Variants in SMYD3 observed in about 807,000 individuals in gnomAD.
SMYD3 encodes SET and MYND domain containing 3, also known as histone-lysine N-methyltransferase SMYD3.
A neutral mutation model predicts 57.7 loss-of-function variants in SMYD3; 36 were observed. That is an observed-to-expected ratio of 0.62 (90% confidence interval 0.48 to 0.82). The LOEUF is 0.82. Among genes scored for constraint, SMYD3 ranks in the 40% least tolerant of loss-of-function variants. SMYD3 has a pLI of 0.00. For missense variants in SMYD3, 515 were observed against 538.8 expected, an observed-to-expected ratio of 0.96 and a Z score of 0.44; for synonymous variants, 211 against 195.0, an observed-to-expected ratio of 1.08 and a Z score of -0.68.
chr1:246,424,957 A>G (rs2067197399), intron 1 of SMYD3, among the ~76,000 whole-genome samples: 2 of 152,260 alleles, frequency 1.3e-5, no homozygotes, highest in South Asian at 4.1e-4. Context: ...TTACATAGCG[A>G]TAATAGTAAT....
chr1:246,234,296 C>G (rs911260724), intron 5 of SMYD3, among the ~76,000 whole-genome samples: 2 of 149,060 alleles, frequency 1.3e-5, no homozygotes, highest in African/African-American at 5.0e-5. Context: ...TGAACATACA[C>G]CAGAGGAGAA....
intron 10 of SMYD3, among the ~76,000 whole-genome samples, chr1:245,816,699 C>T (rs957409824): frequency 1.6e-4 from 25 of 152,078 alleles, no homozygotes; most frequent in Admixed American, 2.0e-4. Context: ...GCGCACCGTG[C>T]GCGAGCCGAA....
At chr1:246,126,607 A>T (rs2061513500) in intron 5 of SMYD3, among the ~76,000 whole-genome samples, 1 of 152,244 alleles carries the variant, frequency 6.6e-6, no homozygotes, top group African/African-American at 2.4e-5. Context: ...ATAACCAGGC[A>T]TCAATCTACA....
intron 5 of SMYD3, among the ~76,000 whole-genome samples, chr1:245,993,933 C>T (rs1305567311): frequency 6.6e-6 from 1 of 152,114 alleles, no homozygotes; most frequent in African/African-American, 2.4e-5. Context: ...AAAAAGAAGA[C>T]ATTAAACTAC....
At chr1:246,506,076 C>G (rs1286267591) in intron 1 of SMYD3, among the ~76,000 whole-genome samples, 2 of 152,182 alleles carry the variant, frequency 1.3e-5, no homozygotes, top group Admixed American at 6.5e-5. Context: ...ATTACAGATA[C>G]GAGTTTTGCA....
chr1:245,877,234 T>G (rs1202790581), intron 8 of SMYD3, among the ~76,000 whole-genome samples: 1 of 152,168 alleles, frequency 6.6e-6, no homozygotes, highest in African/African-American at 2.4e-5. Context: ...GAGGCTCTTT[T>G]CCCCACTAAG....
At chr1:246,045,851 G>C (rs866606761) in intron 5 of SMYD3, among the ~76,000 whole-genome samples, 2 of 152,200 alleles carry the variant, frequency 1.3e-5, no homozygotes, top group African/African-American at 4.8e-5. Flanking sequence ...AGACATTTAT[G>C]CAGCCAACAG....
rs115686332 is a variant in SMYD3 at position 245,815,690 on chromosome 1, C to A, written c.1076+42806G>T. On this transcript the variant is annotated intron_variant, in intron 10 of 11. Coordinates refer to ENST00000490107, the MANE Select transcript of SMYD3 (RefSeq NM_001167740.2). The stretch of plus-strand genomic sequence containing the variant: ...TTAAAACATCATTCTTAGATAAGAA[C>A]AGAGACAAAGGATATGTCTTTAACA... Among the ~76,000 whole-genome samples the A allele has an allele frequency of 3.9e-3, 597 of 152,342 alleles. 4 individuals are homozygous for A. The highest frequency in any genetic ancestry group is 0.014 in the African/African-American group (565 of 41,578).
chr1:245,784,952 G>A lies in SMYD3; in HGVS notation c.1077-20803C>T, dbSNP rs939099871. On this transcript the variant is annotated intron_variant, in intron 10 of 11. Transcript: ENST00000490107. Reference sequence around the variant, plus strand: ...GCAACCTCCGCCTCCCGGGTTCAAGGGATCCTCTGGCCTCAGTCTCCTGAG... The same window carrying A: ...GCAACCTCCGCCTCCCGGGTTCAAGAGATCCTCTGGCCTCAGTCTCCTGAG... Among the ~76,000 whole-genome samples the A allele has an allele frequency of 4.6e-5, 7 of 151,022 alleles. No homozygotes were observed. The East Asian group carries it at 1.4e-3, about 29-fold the overall frequency.
At chr1:246,064,461 C>T (rs2060307343) in intron 5 of SMYD3, among the ~76,000 whole-genome samples, 1 of 152,180 alleles carries the variant, frequency 6.6e-6, no homozygotes, top group Admixed American at 6.5e-5. Context: ...CCACTTTTGC[C>T]TGGGTTAAGA....
At chr1:245,894,804 C>T (rs4654066) in intron 8 of SMYD3, among the ~76,000 whole-genome samples, 151,938 of 152,324 alleles carry the variant, frequency 1, 75,781 homozygotes, top group Middle Eastern at 1. Context: ...ATCCTCTGAG[C>T]TGGAGGCTTA....
chr1:246,181,324 G>T (rs12144115), intron 5 of SMYD3, among the ~76,000 whole-genome samples: 10,712 of 152,214 alleles, frequency 0.07, 534 homozygotes, highest in African/African-American at 0.13. Context: ...AGCTCTAGTG[G>T]AAGTAGGAGG....
intron 5 of SMYD3, among the ~76,000 whole-genome samples, chr1:246,300,295 G>A (rs1333097501): frequency 6.6e-6 from 1 of 152,072 alleles, no homozygotes; most frequent in African/African-American, 2.4e-5. Flanking sequence ...AAATGTATTA[G>A]CACAGTTGAA....
chr1:246,186,776 C>G, intron 5 of SMYD3: 5 of 985,452 alleles, frequency 5.1e-6, no homozygotes, highest in Non-Finnish European at 6.0e-6. Flanking sequence ...TTCACAACAG[C>G]AGTTCCTCAG....
intron 1 of SMYD3, among the ~76,000 whole-genome samples, chr1:246,394,490 A>G (rs1356444768): frequency 2.0e-5 from 3 of 152,238 alleles, no homozygotes; most frequent in African/African-American, 7.2e-5. Flanking sequence ...AATCATTTCC[A>G]CCAACCTTTG....
At chr1:246,271,798 A>G (rs2064228561) in intron 5 of SMYD3, among the ~76,000 whole-genome samples, 1 of 152,136 alleles carries the variant, frequency 6.6e-6, no homozygotes, top group African/African-American at 2.4e-5. Flanking sequence ...ATTCCATATA[A>G]ATTTTAGATT....
intron 8 of SMYD3, among the ~76,000 whole-genome samples, chr1:245,876,852 A>G (rs928032026): frequency 3.3e-5 from 5 of 152,192 alleles, no homozygotes; most frequent in South Asian, 4.1e-4. Context: ...ATGGGAGCAT[A>G]GAGGCAGAGC....
chr1:246,246,329 C>T lies in SMYD3; in HGVS notation c.531+80872G>A, dbSNP rs187069391. On this transcript the variant is annotated intron_variant, in intron 5 of 11. Coordinates refer to ENST00000490107, the MANE Select transcript of SMYD3 (RefSeq NM_001167740.2). ...TTATTTTAAGTAAGAAGTGAGGACT[C>T]TGGACATTGCTCTAGTTGTTCAAAT... Among the ~76,000 whole-genome samples, 43 of 152,244 alleles carry T rather than the reference C, an allele frequency of 2.8e-4. No homozygotes were observed. In the East Asian group the frequency reaches 7.3e-3, roughly 26 times the overall value.
At chr1:246,501,212 A>G (rs2068451349) in intron 1 of SMYD3, among the ~76,000 whole-genome samples, 1 of 152,214 alleles carries the variant, frequency 6.6e-6, no homozygotes, top group South Asian at 2.1e-4. Context: ...ACGTCTTTTT[A>G]CATTATTTTC....
Sources: allele counts gnomAD v4.1 joint callset (sites outside exome capture counted in the v4.1 genomes callset), GRCh38; gene constraint gnomAD v4.1.1; transcripts MANE v1.5; gene names NCBI Gene and HGNC (gene_info 2026-07-23, HGNC 2026-07-21).